RIN2: variants seen among roughly 807,000 people sequenced by gnomAD.
RIN2 encodes Ras and Rab interactor 2.
RIN2 carries 36 observed loss-of-function variants against 78.0 expected under a neutral mutation model. That is an observed-to-expected ratio of 0.46 (90% CI 0.35 to 0.61). The LOEUF (loss-of-function observed/expected upper bound fraction) is 0.61, where lower values mean the gene tolerates loss of function less well. Ranked by LOEUF, RIN2 falls within the 20% of genes least tolerant of loss-of-function variation. The pLI is 0.00. For missense variants in RIN2, 1,087 were observed against 1,159.7 expected (o/e 0.94, Z 0.91); for synonymous variants, 466 against 466.8 (o/e 1.00, Z 0.02).
chr20:19,874,741 G>A (rs2037803526), intron 2 of RIN2, among the ~76,000 whole-genome samples: 1 of 152,202 alleles, frequency 6.6e-6, no homozygotes, highest in Admixed American at 6.5e-5. Context: ...TGAGAGTTGA[G>A]GGTGTAGAGA....
chr20:19,860,178 C>G (rs1465960100), intron 2 of RIN2, among the ~76,000 whole-genome samples: 1 of 152,178 alleles, frequency 6.6e-6, no homozygotes, highest in East Asian at 1.9e-4. Context: ...TAGGTCCCAC[C>G]ACCAGAGAAA....
chr20:19,940,967 G>A (rs1365276118), intron 4 of RIN2, among the ~76,000 whole-genome samples: 2 of 152,186 alleles, frequency 1.3e-5, no homozygotes, highest in Non-Finnish European at 2.9e-5. Context: ...GCAGGTCAGT[G>A]AGAACTGCAG....
intron 8 of RIN2, among the ~76,000 whole-genome samples, chr20:19,973,779 A>C (rs2042180426): frequency 6.6e-6 from 1 of 151,446 alleles, no homozygotes; most frequent in Admixed American, 6.6e-5. Flanking sequence ...ACAGAGCAAG[A>C]CTCCGTCTCA....
rs1299288657 is a variant in RIN2, at chr20:19,996,702, T to C, written c.2224T>C (p.Tyr742His). The change falls in exon 12 of 13, where the codon TAT becomes CAT. Residue 742 changes from tyrosine to histidine, a missense_variant. Physicochemically the swap from Tyr to His is moderately conservative, Grantham distance 83. Transcript: ENST00000255006. Reference sequence around the variant, plus strand: ...AGGAGGCTATTACTTGACAAGCGCATATGGAGCACTTTCTCTGATAAAGAA... The same window carrying C: ...AGGAGGCTATTACTTGACAAGCGCACATGGAGCACTTTCTCTGATAAAGAA... ...GEGGYYLTSA[Y>H]GALSLIKNFQ... 1.2e-6 allele frequency: 2 copies of C among 1,614,026 alleles called. No individual in the cohort carries two copies. Among genetic ancestry groups the C allele is most frequent in the East Asian group, 4.5e-5 (2 of 44,874 alleles).
intron 4 of RIN2, among the ~76,000 whole-genome samples, chr20:19,952,839 G>C (rs1023356713): frequency 6.6e-6 from 1 of 152,128 alleles, no homozygotes; most frequent in South Asian, 2.1e-4. Flanking sequence ...CCCATCCCGC[G>C]CCCGCAGCCC....
chr20:19,909,317 A>G (rs2123709521), intron 3 of RIN2, among the ~76,000 whole-genome samples: 1 of 152,140 alleles, frequency 6.6e-6, no homozygotes, highest in East Asian at 1.9e-4. Flanking sequence ...CCCTACCCCC[A>G]AGGCAAGATT....
intron 2 of RIN2, 56 bp from the exon 3 acceptor site, chr20:19,889,510 T>C: frequency 6.8e-7 from 1 of 1,481,342 alleles, no homozygotes; most frequent in Non-Finnish European, 9.2e-7. Context: ...GTTCTGTGGC[T>C]TAGAAAGGAA....
chr20:19,775,803 A>G (rs1292322210), intron 1 of RIN2, among the ~76,000 whole-genome samples: 1 of 152,222 alleles, frequency 6.6e-6, no homozygotes, highest in Non-Finnish European at 1.5e-5. Flanking sequence ...CCTAAGGAGT[A>G]TGTCCGCCCC....
At chr20:19,901,405 C>A (rs569349671) in intron 3 of RIN2, among the ~76,000 whole-genome samples, 1 of 150,766 alleles carries the variant, frequency 6.6e-6, no homozygotes, top group East Asian at 2.0e-4. Flanking sequence ...CCGAACAGAA[C>A]CCTGCAACAT....
chr20:19,848,548 A>AAAAAAAAAG (rs2036857784), intron 2 of RIN2, among the ~76,000 whole-genome samples: 2 of 151,718 alleles, frequency 1.3e-5, no homozygotes, highest in Admixed American at 6.6e-5. Context: ...AAAAAAAAAA[A>AAAAAAAAAG]AAAAAAAAGA....
At chr20:19,935,243 G>C in intron 4 of RIN2, 44 bp downstream of exon 4, 1 of 1,502,634 alleles carries the variant, frequency 6.7e-7, no homozygotes, top group Non-Finnish European at 9.1e-7. Flanking sequence ...GAAAGGGATC[G>C]AGTGAACCCT....
At chr20:19,963,082 T>TC (rs1344550936) in intron 6 of RIN2, among the ~76,000 whole-genome samples, 2 of 152,114 alleles carry the variant, frequency 1.3e-5, no homozygotes, top group African/African-American at 4.8e-5. Flanking sequence ...AAATTTCATC[T>TC]CCCCCCACCA....
In RIN2 at chr20:19,975,260, C is replaced by A; in HGVS notation, c.1235C>A (p.Pro412Gln). 1 of 1,583,892 alleles carries A rather than the reference C, an allele frequency of 6.3e-7. No homozygotes were observed. Among genetic ancestry groups the A allele is most frequent in the Non-Finnish European group, 8.6e-7 (1 of 1,165,322 alleles). The stretch of plus-strand genomic sequence containing the variant: ...GCCCCGGGGGATTGCACAAGGGCCC[C>A]GCCGCCCAGCTCTGAATCACGGCCC... ...EAAPGDCTRAPPPSSESRPPC... is the reference protein window; with the variant it reads ...EAAPGDCTRAQPPSSESRPPC... Residue 412 changes from proline (P) to glutamine (Q), a missense_variant, in exon 9 of 13, where the codon CCG becomes CAG. Transcript: ENST00000255006. The surrounding 1 kb of genome is among the most constrained non-coding windows in gnomAD (Gnocchi z 4.9).
At chr20:19,974,538 C>T (rs2042204723) in intron 8 of RIN2, 116 bp from the exon 9 acceptor site, 1 of 1,030,138 alleles carries the variant, frequency 9.7e-7, no homozygotes, top group African/African-American at 1.6e-5. Flanking sequence ...ACAACGCACC[C>T]CCTACCCCAC....
chr20:19,849,162 T>A (rs1229691051), intron 2 of RIN2, among the ~76,000 whole-genome samples: 1 of 152,040 alleles, frequency 6.6e-6, no homozygotes, highest in Non-Finnish European at 1.5e-5. Context: ...CACCAGATTT[T>A]GCAAATTAAA....
chr20:19,998,539 A>C (rs1195995942), intron 12 of RIN2, among the ~76,000 whole-genome samples: 1 of 152,106 alleles, frequency 6.6e-6, no homozygotes, highest in East Asian at 1.9e-4. Flanking sequence ...TGAGCCCAGG[A>C]GTTTGAGGCT....
intron 3 of RIN2, among the ~76,000 whole-genome samples, chr20:19,912,820 G>T (rs2039532875): frequency 6.6e-6 from 1 of 152,166 alleles, no homozygotes; most frequent in Non-Finnish European, 1.5e-5. Context: ...TGAACAGCAG[G>T]TTTTTCTTCT....
At position 19,975,267 on chromosome 20, in the gene RIN2, C is replaced by T. The variant is rs1601011158; in HGVS notation, c.1242C>T (p.Pro414=). 1 of 1,589,368 alleles carries T rather than the reference C, an allele frequency of 6.3e-7. No individual in the cohort carries two copies. Among genetic ancestry groups the T allele is most frequent in the Admixed American group, 1.8e-5 (1 of 55,962 alleles). Residue 414 remains proline (P), a synonymous_variant, in exon 9 of 13, where the codon CCC becomes CCT. Transcript: ENST00000255006. This position sits in a 1 kb window ranked among gnomAD's most constrained non-coding sequence, Gnocchi z 4.9. ...APGDCTRAPP[P]SSESRPPCHG... is the part of the protein sequence containing the mutation. ...GGGATTGCACAAGGGCCCCGCCGCC[C>T]AGCTCTGAATCACGGCCCCCGTGCC...
intron 2 of RIN2, among the ~76,000 whole-genome samples, chr20:19,830,294 T>C (rs533062351): frequency 1.3e-5 from 2 of 152,342 alleles, no homozygotes; most frequent in South Asian, 4.1e-4. Context: ...AAAGCCAAGC[T>C]AGCTTTTCAT....
Sources: allele counts gnomAD v4.1 joint callset (sites outside exome capture counted in the v4.1 genomes callset), GRCh38; gene constraint gnomAD v4.1.1; non-coding constraint Gnocchi (gnomAD v3.1); transcripts MANE v1.5; gene names NCBI Gene and HGNC (gene_info 2026-07-23, HGNC 2026-07-21).